The following TDRD3 variants were observed in gnomAD, a reference collection of about 807,000 sequenced individuals.
TDRD3 encodes tudor domain-containing protein 3.
Under a neutral mutation model 86.7 loss-of-function variants are expected in TDRD3, and 45 were observed. That is an observed-to-expected ratio of 0.52 (90% confidence interval 0.41 to 0.67). The LOEUF (loss-of-function observed/expected upper bound fraction) is 0.67. Among genes scored for constraint, TDRD3 ranks in the 30% least tolerant of loss-of-function variants. The pLI is 0.00. For missense variants in TDRD3, 814 were observed against 889.0 expected, an observed-to-expected ratio of 0.92 and a Z score of 1.07; for synonymous variants, 298 against 301.7, an observed-to-expected ratio of 0.99 and a Z score of 0.13.
At chr13:60,411,763 A>G (rs1862608322) in intron 1 of TDRD3, among the ~76,000 whole-genome samples, 2 of 152,140 alleles carry the variant, frequency 1.3e-5, no homozygotes, top group African/African-American at 4.8e-5. Flanking sequence ...ATCACCTGGT[A>G]GCTTGTTAGA....
chr13:60,397,612 C>A (rs1339106144), intron 1 of TDRD3, among the ~76,000 whole-genome samples: 6 of 145,668 alleles, frequency 4.1e-5, no homozygotes. Context: ...GCGGCGGCGG[C>A]GGCGGCCTGG....
intron 1 of TDRD3, among the ~76,000 whole-genome samples, chr13:60,438,978 A>G (rs1180063646): frequency 6.6e-6 from 1 of 152,148 alleles, no homozygotes; most frequent in Non-Finnish European, 1.5e-5. Context: ...CAAAATGTCC[A>G]TGGGTATGGG....
At chr13:60,402,847 C>A (rs1199268073) in intron 1 of TDRD3, among the ~76,000 whole-genome samples, 4 of 152,050 alleles carry the variant, frequency 2.6e-5, no homozygotes, top group Non-Finnish European at 5.9e-5. Flanking sequence ...CGCCACCACG[C>A]CTGGCTAGCC....
At chr13:60,468,302 C>A (rs866251762) in intron 5 of TDRD3, among the ~76,000 whole-genome samples, 1 of 152,064 alleles carries the variant, frequency 6.6e-6, no homozygotes, top group Admixed American at 6.6e-5. Context: ...AAACGTTTTT[C>A]CATTTTTACA....
intron 12 of TDRD3, among the ~76,000 whole-genome samples, chr13:60,551,642 T>C (rs1288056545): frequency 6.6e-6 from 1 of 152,220 alleles, no homozygotes; most frequent in East Asian, 1.9e-4. Flanking sequence ...TAAAATTTTC[T>C]TTTCTGTTTC....
intron 3 of TDRD3, among the ~76,000 whole-genome samples, chr13:60,458,968 A>G (rs778576643): frequency 6.6e-6 from 1 of 152,248 alleles, no homozygotes; most frequent in Admixed American, 6.5e-5. Context: ...TTCATCCTGA[A>G]TTAGCAGCTT....
Position 60,573,741 on chromosome 13 carries a change from A to G in TDRD3, c.*135A>G. 1.2e-6 allele frequency: 1 copy of G among 836,252 alleles called. No individual in the cohort carries two copies. The highest frequency in any genetic ancestry group is 1.8e-5 in the African/African-American group (1 of 54,298). The allele number at this position is 836,252 out of a possible 1,614,324, so 51.8% of individuals were successfully genotyped here. On this transcript the variant is annotated 3_prime_UTR_variant, in exon 14 of 14. Coordinates refer to ENST00000377881, the MANE Select transcript of TDRD3 (RefSeq NM_001146070.2). ...TATTATTTGAAGAAAGAAAAAACAGATTTTAGGGTGGAAAAAACAGTCAAC... is the reference window on the plus strand; with the variant it reads ...TATTATTTGAAGAAAGAAAAAACAGGTTTTAGGGTGGAAAAAACAGTCAAC...
intron 3 of TDRD3, among the ~76,000 whole-genome samples, chr13:60,452,617 CAT>C: frequency 6.6e-6 from 1 of 152,058 alleles, no homozygotes. Flanking sequence ...TAATCGATAA[CAT>C]AGCATATGTT....
At chr13:60,486,957 A>G (rs1956452612) in intron 7 of TDRD3, among the ~76,000 whole-genome samples, 1 of 152,154 alleles carries the variant, frequency 6.6e-6, no homozygotes, top group Non-Finnish European at 1.5e-5. Context: ...TAACTGAATA[A>G]TAATCCATTA....
intron 3 of TDRD3, among the ~76,000 whole-genome samples, chr13:60,445,054 C>T (rs1017990744): frequency 6.6e-6 from 1 of 151,932 alleles, no homozygotes; most frequent in African/African-American, 2.4e-5. Flanking sequence ...CCTTTTCTTA[C>T]CTTTCAATTT....
intron 12 of TDRD3, among the ~76,000 whole-genome samples, chr13:60,563,817 C>T (rs915575985): frequency 6.6e-6 from 1 of 152,144 alleles, no homozygotes; most frequent in Non-Finnish European, 1.5e-5. Flanking sequence ...TTTTATAACA[C>T]GGCTCATTTA....
chr13:60,460,502 T>G lies in TDRD3; in HGVS notation c.315T>G (p.Ser105Arg). 3.2e-6 allele frequency: 5 copies of G among 1,576,796 alleles called. No homozygotes were observed. The highest frequency in any genetic ancestry group is 4.3e-6 in the Non-Finnish European group (5 of 1,169,448). ...LRLQMTDGHISCTAVEFSYMS... is the reference protein window; with the variant it reads ...LRLQMTDGHIRCTAVEFSYMS... ...TACAGATGACTGATGGTCATATAAG[T>G]TGCACAGCAGTAGAATTTAGTTATA... The change falls in exon 4 of 14, where the codon AGT becomes AGG. Residue 105 changes from serine (S) to arginine (R), a missense_variant. Ser to Arg is a moderately radical substitution (Grantham distance 110). Coordinates refer to ENST00000377881, the MANE Select transcript of TDRD3 (RefSeq NM_001146070.2).
chr13:60,410,288 G>A (rs922961166), intron 1 of TDRD3, among the ~76,000 whole-genome samples: 2 of 152,112 alleles, frequency 1.3e-5, no homozygotes, highest in Non-Finnish European at 2.9e-5. Context: ...TCATGCTAGG[G>A]CCTTTAATGA....
intron 5 of TDRD3, among the ~76,000 whole-genome samples, chr13:60,477,205 T>TATTATA (rs1956203440): frequency 7.0e-6 from 1 of 142,552 alleles, no homozygotes; most frequent in Non-Finnish European, 1.5e-5. Context: ...TGGTTATTAT[T>TATTATA]ATTATTATTG....
intron 1 of TDRD3, among the ~76,000 whole-genome samples, chr13:60,416,630 T>C (rs990424831): frequency 6.6e-6 from 1 of 152,240 alleles, no homozygotes; most frequent in African/African-American, 2.4e-5. Flanking sequence ...TTATAGCTAC[T>C]GTTTCTTTGG....
At chr13:60,483,691 T>C in intron 5 of TDRD3, 84 bp from the exon 6 acceptor site, 3 of 1,259,520 alleles carry the variant, frequency 2.4e-6, no homozygotes, top group Non-Finnish European at 3.3e-6. Flanking sequence ...TCTACTCAAA[T>C]AGGTAGATTC....
Position 60,509,779 on chromosome 13 carries a change from T to G in TDRD3, c.875T>G (p.Leu292Arg). 1 of 1,613,788 alleles carries G rather than the reference T, an allele frequency of 6.2e-7. No individual in the cohort carries two copies. The highest frequency in any genetic ancestry group is 2.2e-5 in the East Asian group (1 of 44,872). The change falls in exon 9 of 14, where the codon CTG becomes CGG. Residue 292 changes from leucine to arginine, a missense_variant. Physicochemically the swap from Leu to Arg is moderately radical, Grantham distance 102. Transcript: ENST00000377881. Reference sequence around the variant, plus strand: ...TCCTTCCAGGTTGATGAGAAAGCTCTGAAGCACATAACGGAAATGGGCTTC... The same window carrying G: ...TCCTTCCAGGTTGATGAGAAAGCTCGGAAGCACATAACGGAAATGGGCTTC... Reference protein sequence around the residue: ...VYRELVDEKALKHITEMGFSK... With the variant: ...VYRELVDEKARKHITEMGFSK...
At chr13:60,498,998 T>C (rs1956775946) in intron 8 of TDRD3, among the ~76,000 whole-genome samples, 1 of 152,144 alleles carries the variant, frequency 6.6e-6, no homozygotes, top group East Asian at 1.9e-4. Flanking sequence ...ATAATTGGAA[T>C]AGACATACTT....
At chr13:60,526,916 C>A (rs1409671502) in intron 10 of TDRD3, among the ~76,000 whole-genome samples, 1 of 152,024 alleles carries the variant, frequency 6.6e-6, no homozygotes, top group Non-Finnish European at 1.5e-5. Context: ...CTCACTGCAA[C>A]CTCCATCTCC....
Sources: allele counts gnomAD v4.1 joint callset (sites outside exome capture counted in the v4.1 genomes callset), GRCh38; gene constraint gnomAD v4.1.1; transcripts MANE v1.5; gene names NCBI Gene and HGNC (gene_info 2026-07-23, HGNC 2026-07-21).